Variants in RNF213 observed in about 807,000 individuals in gnomAD.
The protein encoded by RNF213 is ring finger protein 213.
A neutral mutation model predicts 514.4 loss-of-function variants in RNF213; 341 were observed. The observed-to-expected ratio is 0.66, with a 90% CI of 0.61 to 0.73. The LOEUF is 0.73. Among genes scored for constraint, RNF213 ranks in the 30% least tolerant of loss-of-function variants. The pLI, the probability that RNF213 is intolerant of heterozygous loss-of-function variation, is 0.00. For synonymous variants in RNF213, 2,655 were observed against 2,658.2 expected (o/e 1.00, Z 0.04); for missense variants, 5,767 against 6,615.6 (o/e 0.87, Z 4.45).
intron 40 of RNF213, 110 bp downstream of exon 40, chr17:80,363,424 G>T: frequency 3.2e-6 from 4 of 1,248,934 alleles, no homozygotes; most frequent in Non-Finnish European, 4.6e-6. Context: ...TCTTCACAAG[G>T]CACATACCTT....
chr17:80,379,450 AC>A, intron 54 of RNF213, 169 bp from the exon 55 acceptor site: 1 of 699,230 alleles, frequency 1.4e-6, no homozygotes, highest in South Asian at 1.5e-5. Context: ...ATTAGTGAGT[AC>A]CTACCCTGTT....
intron 36 of RNF213, among the ~76,000 whole-genome samples, chr17:80,355,646 CGGGGTG>C (rs2078762819): frequency 1.1e-4 from 2 of 18,090 alleles, no homozygotes; most frequent in African/African-American, 5.1e-4. Context: ...GGGGAAGAAG[CGGGGTG>C]GACGGGAATG....
At position 80,377,771 on chromosome 17, in the gene RNF213, A is replaced by T; in HGVS notation, c.13520A>T (p.Asn4507Ile). 1 of 1,614,144 alleles carries T rather than the reference A, an allele frequency of 6.2e-7. No individual in the cohort carries two copies. ...CCTGTTCTCTTCACAGCTTGTCCCAACGGCCATCCTTGCTCCGTGGGAGAG... is the reference window on the plus strand; with the variant it reads ...CCTGTTCTCTTCACAGCTTGTCCCATCGGCCATCCTTGCTCCGTGGGAGAG... The part of the protein sequence containing the change: ...LERVHWYTCP[N>I]GHPCSVGECG... The change falls in exon 54 of 68, where the codon AAC becomes ATC. Residue 4507 changes from asparagine to isoleucine, a missense_variant. Around this residue, in one of 13 missense-constraint regions of RNF213, gnomAD observed 1,245 missense variants for 1,339.0 expected, o/e 0.93. Transcript: ENST00000582970. The surrounding 1 kb of genome is among the most constrained non-coding windows in gnomAD (Gnocchi z 4.1).
At chr17:80,352,816 G>T in intron 32 of RNF213, 124 bp from the exon 33 acceptor site, 1 of 1,473,924 alleles carries the variant, frequency 6.8e-7, no homozygotes. Context: ...TTCGGCTTCA[G>T]GGTGCCAGTC....
chr17:80,310,489 G>A (rs536398829), intron 14 of RNF213, among the ~76,000 whole-genome samples: 3 of 151,766 alleles, frequency 2.0e-5, no homozygotes, highest in Admixed American at 1.3e-4. Flanking sequence ...CTGACCTCAC[G>A]TGATCCACCT....
At chr17:80,338,568 T>A (rs1203269194) in intron 25 of RNF213, among the ~76,000 whole-genome samples, 1 of 151,946 alleles carries the variant, frequency 6.6e-6, no homozygotes, top group African/African-American at 2.4e-5. Context: ...AGGCTCATTT[T>A]AGCCCAGGAG....
At chr17:80,378,638 T>C (rs1444976121) in intron 54 of RNF213, among the ~76,000 whole-genome samples, 1 of 152,144 alleles carries the variant, frequency 6.6e-6, no homozygotes, top group Non-Finnish European at 1.5e-5. Flanking sequence ...TTTAATAATG[T>C]ATATAAGAGA....
intron 2 of RNF213, among the ~76,000 whole-genome samples, chr17:80,267,647 GAGA>G (rs1433024361): frequency 6.6e-6 from 1 of 152,134 alleles, no homozygotes; most frequent in African/African-American, 2.4e-5. Flanking sequence ...GGAGGCTGCA[GAGA>G]AGATCTTGAA....
chr17:80,265,044 G>GTTTTTTTTTTTT (rs55814957), intron 2 of RNF213, among the ~76,000 whole-genome samples: 1 of 110,886 alleles, frequency 9.0e-6, no homozygotes, highest in African/African-American at 4.8e-5. Flanking sequence ...ATGTTTGTTT[G>GTTTTTTTTTTTT]TTTTTTTTTT....
intron 40 of RNF213, 112 bp from the exon 41 acceptor site, chr17:80,363,497 A>C: frequency 7.5e-7 from 1 of 1,333,776 alleles, no homozygotes; most frequent in South Asian, 1.2e-5. Flanking sequence ...AGACAATGAA[A>C]GTTTAGGTCG....
chr17:80,313,736 A>G (rs1222251611), intron 15 of RNF213, among the ~76,000 whole-genome samples: 3 of 59,958 alleles, frequency 5.0e-5, no homozygotes, highest in Admixed American at 3.8e-4. Flanking sequence ...TGGAGGTGAC[A>G]ATGGTGATGC....
intron 60 of RNF213, among the ~76,000 whole-genome samples, 160 bp from the exon 61 acceptor site, chr17:80,385,378 C>A (rs1412537958): frequency 6.6e-6 from 1 of 152,240 alleles, no homozygotes; most frequent in Non-Finnish European, 1.5e-5. Flanking sequence ...CCCTCTCTAG[C>A]TCCTCAAACT....
At chr17:80,272,892 G>A (rs373341808) in intron 2 of RNF213, among the ~76,000 whole-genome samples, 2 of 152,154 alleles carry the variant, frequency 1.3e-5, no homozygotes, top group African/African-American at 4.8e-5. Context: ...CTACAGTAGG[G>A]GAGGAAAGCG....
At chr17:80,272,010 TG>T (rs1368296993) in intron 2 of RNF213, among the ~76,000 whole-genome samples, 11 of 140,860 alleles carry the variant, frequency 7.8e-5, no homozygotes, top group African/African-American at 3.0e-4. Flanking sequence ...AGAGGCCGGG[TG>T]GGGTGGCTCA....
In RNF213 at chr17:80,349,906, G is replaced by A. The variant is rs745952693; in HGVS notation, c.10088G>A (p.Arg3363Gln). 16 of 1,613,120 alleles carry A rather than the reference G, an allele frequency of 9.9e-6. No individual in the cohort carries two copies. Among genetic ancestry groups the A allele is most frequent in the East Asian group, 2.2e-5 (1 of 44,884 alleles). The change falls in exon 30 of 68, where the codon CGA becomes CAA. Residue 3363 changes from arginine to glutamine, a missense_variant and splice_region_variant. Around this residue, in one of 13 missense-constraint regions of RNF213, gnomAD observed 919 missense variants for 1,121.0 expected, o/e 0.82. Coordinates refer to ENST00000582970, the MANE Select transcript of RNF213 (RefSeq NM_001256071.3). ...GAGTACTCATTCCTCAAAGAAGTCCGGTGAGGTTCCCTGCCTTCCCTGCTG... is the reference window on the plus strand; with the variant it reads ...GAGTACTCATTCCTCAAAGAAGTCCAGTGAGGTTCCCTGCCTTCCCTGCTG... Reference protein sequence around the residue: ...DTEYSFLKEVRNCLTNTAKCK... With the variant: ...DTEYSFLKEVQNCLTNTAKCK...
rs150427088 is a variant in RNF213, at chr17:80,360,148, A to T, written c.11142A>T (p.Lys3714Asn). Reference protein sequence around the residue: ...NASNNVPFSWKIKDYLEELWV... With the variant: ...NASNNVPFSWNIKDYLEELWV... ...CCAACAACGTCCCTTTCAGCTGGAA[A>T]ATCAAGGACTATCTGGAGGAGCTGT... The change falls in exon 38 of 68, where the codon AAA (lysine) becomes AAT (asparagine). Residue 3714 changes from lysine (K) to asparagine (N), a missense_variant. Coordinates refer to ENST00000582970, the MANE Select transcript of RNF213 (RefSeq NM_001256071.3). 2.9e-5 allele frequency: 47 copies of T among 1,614,124 alleles called. No individual in the cohort carries two copies. In the African/African-American group the frequency reaches 6.1e-4, roughly 21 times the overall value.
In RNF213 at chr17:80,288,531, C is replaced by T; in HGVS notation, c.811-102C>T. The T allele has an allele frequency of 6.2e-7, 1 of 1,610,338 alleles. No homozygotes were observed. Among genetic ancestry groups the T allele is most frequent in the Non-Finnish European group, 8.5e-7 (1 of 1,178,078 alleles). On this transcript the variant is annotated intron_variant, in intron 4 of 67. Transcript: ENST00000582970. The surrounding 1 kb of genome is among the most constrained non-coding windows in gnomAD (Gnocchi z 4.9). The stretch of plus-strand genomic sequence containing the variant: ...CCCCTCCACTGGGGATGCCAGCCCA[C>T]CCTGTCCCTCGGCTTGTGGCAGATG...
chr17:80,342,777 T>A (rs187186316), intron 26 of RNF213, among the ~76,000 whole-genome samples: 101 of 148,010 alleles, frequency 6.8e-4, no homozygotes, highest in Admixed American at 1.5e-3. Context: ...ATATATATTT[T>A]TTGAGACAGA....
At chr17:80,293,035 A>AT (rs1452176963) in intron 8 of RNF213, among the ~76,000 whole-genome samples, 1 of 151,798 alleles carries the variant, frequency 6.6e-6, no homozygotes, top group Non-Finnish European at 1.5e-5. Flanking sequence ...TAGAGTATAT[A>AT]TTTTTTCGTT....
Sources: gnomAD v4.1 joint callset for allele counts (sites outside exome capture counted in the v4.1 genomes callset) on GRCh38, gnomAD v4.1.1 for gene constraint, gnomAD v4.1.1 regional missense constraint, Gnocchi (gnomAD v3.1) non-coding constraint, MANE v1.5 for transcripts, NCBI Gene and HGNC (gene_info 2026-07-23, HGNC 2026-07-21) for gene names.